Variants in DCLK1 observed in about 807,000 individuals in gnomAD.
DCLK1 encodes the protein doublecortin like kinase 1.
Under a neutral mutation model 86.2 loss-of-function variants are expected in DCLK1, and 16 were observed. The ratio of observed to expected loss-of-function variants is 0.19; its 90% CI spans 0.13 to 0.28. The LOEUF (loss-of-function observed/expected upper bound fraction) is 0.28. Ranked by LOEUF, DCLK1 falls within the 10% of genes least tolerant of loss-of-function variation. The probability of loss-of-function intolerance (pLI) is 1.00; values close to 1 mark genes in which losing one functional copy is unlikely to be tolerated. For synonymous variants in DCLK1, 369 were observed against 370.5 expected, an observed-to-expected ratio of 1.00 and a Z score of 0.05; for missense variants, 590 against 940.2, an observed-to-expected ratio of 0.63 and a Z score of 4.87.
Position 36,093,241 on chromosome 13 carries a change from T to A in DCLK1, c.723+18628A>T, listed in dbSNP as rs9602140. ...GCAGTGTACCATATTTGCAACAGATTGGCAAATTATTTAAGAAGTCGGTAG... is the reference window on the plus strand; with the variant it reads ...GCAGTGTACCATATTTGCAACAGATAGGCAAATTATTTAAGAAGTCGGTAG... On this transcript the variant is annotated intron_variant, in intron 3 of 16. Coordinates refer to ENST00000360631, the MANE Select transcript of DCLK1 (RefSeq NM_001330071.2). Among the ~76,000 whole-genome samples, 379 of 152,320 alleles carry A rather than the reference T, an allele frequency of 2.5e-3. 1 individual carries two copies. Among genetic ancestry groups the A allele is most frequent in the African/African-American group, 8.5e-3 (355 of 41,558 alleles).
At chr13:36,107,132 A>AGCACTCT (rs1885424135) in intron 3 of DCLK1, among the ~76,000 whole-genome samples, 1 of 152,102 alleles carries the variant, frequency 6.6e-6, no homozygotes, top group East Asian at 1.9e-4. Flanking sequence ...TTCATGATCA[A>AGCACTCT]AAGATACAGA....
intron 3 of DCLK1, among the ~76,000 whole-genome samples, chr13:35,959,000 G>A (rs753329868): frequency 3.2e-4 from 48 of 152,054 alleles, no homozygotes; most frequent in Middle Eastern, 3.4e-3. Context: ...GCAATAGTAA[G>A]ATAAAAAAAA....
chr13:35,829,347 C>G (rs1445499064), intron 8 of DCLK1, among the ~76,000 whole-genome samples: 1 of 152,216 alleles, frequency 6.6e-6, no homozygotes, highest in Non-Finnish European at 1.5e-5. Context: ...ATTTCACAAG[C>G]ATTGCTGTTT....
At chr13:36,090,003 G>C (rs914840007) in intron 3 of DCLK1, among the ~76,000 whole-genome samples, 1 of 152,164 alleles carries the variant, frequency 6.6e-6, no homozygotes, top group Non-Finnish European at 1.5e-5. Flanking sequence ...GTGGGAATAA[G>C]CATTAGGTTA....
chr13:35,782,945 C>T (rs1276811796), intron 16 of DCLK1, among the ~76,000 whole-genome samples: 1 of 152,220 alleles, frequency 6.6e-6, no homozygotes, highest in African/African-American at 2.4e-5. Context: ...GCAAAGGCAG[C>T]CATAGACAGT....
chr13:35,976,455 C>CTG (rs560354656), intron 3 of DCLK1, among the ~76,000 whole-genome samples: 1 of 151,582 alleles, frequency 6.6e-6, no homozygotes, highest in East Asian at 1.9e-4. Flanking sequence ...ATGCTTAAGC[C>CTG]TGTGAACTCG....
chr13:36,103,917 G>T (rs544517405), intron 3 of DCLK1, among the ~76,000 whole-genome samples: 5 of 152,326 alleles, frequency 3.3e-5, no homozygotes, highest in Admixed American at 6.5e-5. Context: ...TGTCAGGAAG[G>T]TTTACAGCAA....
chr13:35,773,006 G>T lies in DCLK1; in HGVS notation c.*1529C>A. Reference sequence around the variant, plus strand: ...AAATTTCATGAGATATCCCTCTCTGGTTGTCTCGTGGATCCCAGAGCCCAG... The same window carrying T: ...AAATTTCATGAGATATCCCTCTCTGTTTGTCTCGTGGATCCCAGAGCCCAG... On this transcript the variant is annotated 3_prime_UTR_variant, in exon 17 of 17. Coordinates refer to ENST00000360631, the MANE Select transcript of DCLK1 (RefSeq NM_001330071.2). 1 of 152,138 alleles carries T rather than the reference G, an allele frequency of 6.6e-6. No homozygotes were observed. The highest frequency in any genetic ancestry group is 1.9e-4 in the East Asian group (1 of 5,194). 9.4% of individuals were successfully genotyped at this position (152,138 alleles called of 1,614,324 possible).
At chr13:35,877,806 A>G (rs1473725471) in intron 4 of DCLK1, among the ~76,000 whole-genome samples, 1 of 152,228 alleles carries the variant, frequency 6.6e-6, no homozygotes, top group Non-Finnish European at 1.5e-5. Flanking sequence ...AAATGGAATA[A>G]TATTCCTCTC....
At chr13:35,978,428 A>T (rs1189195723) in intron 3 of DCLK1, among the ~76,000 whole-genome samples, 1 of 151,806 alleles carries the variant, frequency 6.6e-6, no homozygotes, top group Admixed American at 6.6e-5. Flanking sequence ...CTGGTCTCAA[A>T]TTCCTGGGCT....
chr13:35,847,646 A>G (rs1870296311), intron 6 of DCLK1: 1 of 941,694 alleles, frequency 1.1e-6, no homozygotes. Flanking sequence ...AAAGAAAGAA[A>G]GAAAGAAAGA....
At chr13:35,933,031 TACA>T (rs1170156674) in intron 4 of DCLK1, among the ~76,000 whole-genome samples, 12 of 152,078 alleles carry the variant, frequency 7.9e-5, no homozygotes, top group Admixed American at 7.9e-4. Flanking sequence ...ACTGGGTAAA[TACA>T]ACAATTCCAA....
chr13:35,936,575 G>C (rs1239423349), intron 4 of DCLK1, among the ~76,000 whole-genome samples: 2 of 152,202 alleles, frequency 1.3e-5, no homozygotes, highest in African/African-American at 4.8e-5. Flanking sequence ...CCTCAATAGG[G>C]GTTTCACTGG....
chr13:35,914,332 A>AATATATATATATACGTATATAT lies in DCLK1; in HGVS notation c.823+33025_823+33026insATATATACGTATATATATATAT. 4.1e-5 allele frequency among the ~76,000 whole-genome samples: 3 copies of AATATATATATATACGTATATAT among 74,068 alleles called. No homozygotes were observed. The South Asian group carries it at 1.6e-3, about 39-fold the overall frequency. The allele number at this position is 74,068 out of a possible 152,430, so 48.6% of individuals were successfully genotyped here. A position where few individuals can be genotyped will look rare whatever the true frequency, so the allele number is the denominator to read the frequency against. ...GAGACCTTATCTCAGAAAAAAAAAAAATATATATATATATATACATATATA... is the reference window on the plus strand; with the variant it reads ...GAGACCTTATCTCAGAAAAAAAAAAAATATATATATATACGTATATATATATATATATATATATACATATATA... On this transcript the variant is annotated intron_variant, in intron 4 of 16. Coordinates refer to ENST00000360631, the MANE Select transcript of DCLK1 (RefSeq NM_001330071.2).
intron 2 of DCLK1, among the ~76,000 whole-genome samples, chr13:36,115,036 C>T (rs1000851111): frequency 3.3e-5 from 5 of 152,038 alleles, no homozygotes; most frequent in African/African-American, 7.3e-5. Context: ...CATGGTGGCT[C>T]ACATATGTAG....
chr13:35,897,664 GA>G (rs140588294), intron 4 of DCLK1, among the ~76,000 whole-genome samples: 9,102 of 152,188 alleles, frequency 0.06, 308 homozygotes, highest in South Asian at 0.13. Flanking sequence ...TTAGTTGGGG[GA>G]TTTTGTTGGT....
chr13:35,870,615 A>C (rs1199729692), intron 5 of DCLK1, among the ~76,000 whole-genome samples: 1 of 152,228 alleles, frequency 6.6e-6, no homozygotes, highest in Non-Finnish European at 1.5e-5. Context: ...ACAAACAAAG[A>C]AGACACTTTC....
chr13:35,886,375 G>A (rs189148857), intron 4 of DCLK1, among the ~76,000 whole-genome samples: 1,577 of 152,220 alleles, frequency 0.01, 16 homozygotes, highest in Non-Finnish European at 0.015. Flanking sequence ...GCAGCCAATC[G>A]TGTTTCTGGG....
intron 15 of DCLK1, among the ~76,000 whole-genome samples, chr13:35,796,393 G>C (rs909474263): frequency 6.6e-6 from 1 of 152,194 alleles, no homozygotes; most frequent in South Asian, 2.1e-4. Context: ...ATACGAGAAA[G>C]GGCAGGGTAG....
Sources: gnomAD v4.1 joint callset for allele counts (sites outside exome capture counted in the v4.1 genomes callset) on GRCh38, gnomAD v4.1.1 for gene constraint, MANE v1.5 for transcripts, NCBI Gene and HGNC (gene_info 2026-07-23, HGNC 2026-07-21) for gene names.